The following BBS4 variants were observed in gnomAD, a reference collection of about 807,000 sequenced individuals.
BBS4 encodes Bardet-Biedl syndrome 4.
A neutral mutation model predicts 71.4 loss-of-function variants in BBS4; 58 were observed. The observed-to-expected ratio is 0.81, with a 90% CI of 0.66 to 1.01. The LOEUF (loss-of-function observed/expected upper bound fraction) is 1.01. BBS4 is among the 50% of genes least tolerant of loss of function. The pLI is 0.00. For missense variants in BBS4, 660 were observed against 607.9 expected (o/e 1.09, Z -0.90); for synonymous variants, 228 against 216.8 (o/e 1.05, Z -0.46).
At chr15:72,736,348 TCTC>T (rs1369012902) in intron 14 of BBS4, among the ~76,000 whole-genome samples, 1 of 151,326 alleles carries the variant, frequency 6.6e-6, no homozygotes, top group Non-Finnish European at 1.5e-5. Context: ...TTCAAGCAAT[TCTC>T]CTGCCTCAGC....
chr15:72,705,422 A>C (rs2065245773), intron 2 of BBS4, among the ~76,000 whole-genome samples: 1 of 152,160 alleles, frequency 6.6e-6, no homozygotes, highest in South Asian at 2.1e-4. Flanking sequence ...TTGGACAGCT[A>C]CATCTCCAAG....
intron 12 of BBS4, among the ~76,000 whole-genome samples, chr15:72,732,871 G>C (rs2065852156): frequency 6.6e-6 from 1 of 152,184 alleles, no homozygotes; most frequent in South Asian, 2.1e-4. Flanking sequence ...GGCAAGACCG[G>C]GAAAGCAGGT....
intron 1 of BBS4, among the ~76,000 whole-genome samples, chr15:72,692,257 T>C (rs1282070853): frequency 6.6e-6 from 1 of 151,582 alleles, no homozygotes; most frequent in East Asian, 1.9e-4. Context: ...CTGCCACCAG[T>C]CATGGTGGAT....
At chr15:72,697,920 G>A (rs2065104316) in intron 2 of BBS4, 6 of 454,404 alleles carry the variant, frequency 1.3e-5, no homozygotes, top group Middle Eastern at 3.3e-4. Context: ...ACTACTTGGT[G>A]GTTCTGAGAA....
intron 14 of BBS4, among the ~76,000 whole-genome samples, chr15:72,736,512 G>A (rs973626631): frequency 6.6e-6 from 1 of 152,130 alleles, no homozygotes; most frequent in African/African-American, 2.4e-5. Context: ...ACTTGTTGTA[G>A]GAAATGCACT....
At chr15:72,713,545 G>A (rs2065416598) in intron 4 of BBS4, among the ~76,000 whole-genome samples, 1 of 152,034 alleles carries the variant, frequency 6.6e-6, no homozygotes, top group Non-Finnish European at 1.5e-5. Flanking sequence ...TTTAGTAAGT[G>A]GAAGGAGTAC....
intron 6 of BBS4, among the ~76,000 whole-genome samples, chr15:72,722,565 T>A (rs1455765917): frequency 6.6e-6 from 1 of 152,226 alleles, no homozygotes; most frequent in Admixed American, 6.5e-5. Flanking sequence ...TCCAGGAAGA[T>A]CACCTGTTTA....
chr15:72,712,303 C>T lies in BBS4; in HGVS notation c.216C>T (p.Val72=), dbSNP rs1476981493. The change falls in exon 4 of 16, where the codon GTC becomes GTT. Residue 72 remains valine, a synonymous_variant. Coordinates refer to ENST00000268057, the MANE Select transcript of BBS4 (RefSeq NM_033028.5). ...GATTGTGTGAATATGCTATCTATGT[C>T]CAAGGTAAGACACATACTTCTTGTC... is the stretch of plus-strand genomic sequence containing the variant. ...TQGLCEYAIY[V]QALIFRLEGN... The T allele has an allele frequency of 1.9e-6, 3 of 1,613,194 alleles. No homozygotes were observed. The South Asian group carries it at 3.3e-5, about 18-fold the overall frequency.
chr15:72,726,860 G>A (rs1461233558), intron 8 of BBS4, among the ~76,000 whole-genome samples: 2 of 152,232 alleles, frequency 1.3e-5, no homozygotes, highest in African/African-American at 4.8e-5. Context: ...CATTCTTCCA[G>A]TAACTGATCA....
chr15:72,701,594 T>C (rs2065169999), intron 2 of BBS4, among the ~76,000 whole-genome samples: 1 of 151,414 alleles, frequency 6.6e-6, no homozygotes, highest in Admixed American at 6.6e-5. Context: ...CACACACACT[T>C]GCTCATATGC....
At chr15:72,695,947 A>G (rs1220797169) in intron 2 of BBS4, among the ~76,000 whole-genome samples, 1 of 152,228 alleles carries the variant, frequency 6.6e-6, no homozygotes, top group African/African-American at 2.4e-5. Context: ...AATAATGTGT[A>G]TTCTGCTCTT....
chr15:72,708,698 G>A (rs905522571), intron 2 of BBS4, among the ~76,000 whole-genome samples: 3 of 152,076 alleles, frequency 2.0e-5, no homozygotes, highest in East Asian at 1.9e-4. Context: ...GGAAGATATC[G>A]CTAAATTCTT....
intron 1 of BBS4, chr15:72,686,604 C>A: frequency 7.5e-7 from 1 of 1,335,994 alleles, no homozygotes. Flanking sequence ...CTGTTAATCC[C>A]GTGAATTGGG....
Position 72,728,000 on chromosome 15 carries a change from G to T in BBS4, c.642+6G>T, listed in dbSNP as rs778083765. 5 of 1,607,056 alleles carry T rather than the reference G, an allele frequency of 3.1e-6. No individual in the cohort carries two copies. The South Asian group carries it at 5.5e-5, about 18-fold the overall frequency. ...TAGGATTACTCTACTTACAGGTAAT[G>T]AAAACTCTGTACTCATTCATGCACT... On this transcript the variant is annotated splice_donor_region_variant and intron_variant, in intron 9 of 15. Coordinates refer to ENST00000268057, the MANE Select transcript of BBS4 (RefSeq NM_033028.5).
chr15:72,707,721 T>C (rs1427063916), intron 2 of BBS4, among the ~76,000 whole-genome samples: 1 of 152,188 alleles, frequency 6.6e-6, no homozygotes, highest in Non-Finnish European at 1.5e-5. Flanking sequence ...ATTTGGATCT[T>C]TCTACTCCTT....
chr15:72,730,490 G>A (rs377517918), intron 10 of BBS4, among the ~76,000 whole-genome samples: 1 of 151,932 alleles, frequency 6.6e-6, no homozygotes, highest in Admixed American at 6.6e-5. Flanking sequence ...CACTCGGAAG[G>A]TGGAAGAGGG....
At position 72,737,868 on chromosome 15, in the gene BBS4, G is replaced by A; in HGVS notation, c.*281G>A. 2.1e-6 allele frequency: 1 copy of A among 480,294 alleles called. No homozygotes were observed. The highest frequency in any genetic ancestry group is 4.1e-6 in the Non-Finnish European group (1 of 244,052). The allele number at this position is 480,294 out of a possible 1,614,324, so 29.8% of individuals were successfully genotyped here. ...CTTGAGGCCTTATGTATGTAGCTGA[G>A]TCAGCAAGGTACATGATGCTGTCTG... On this transcript the variant is annotated 3_prime_UTR_variant, in exon 16 of 16. Transcript: ENST00000268057.
chr15:72,712,160 C>G lies in BBS4; in HGVS notation c.157-84C>G, dbSNP rs538731608. 145 of 1,282,908 alleles carry G rather than the reference C, an allele frequency of 1.1e-4. 2 individuals are homozygous for G. The South Asian group carries it at 1.7e-3, about 15-fold the overall frequency. 79.5% of individuals were successfully genotyped at this position (1,282,908 alleles called of 1,614,324 possible). The stretch of plus-strand genomic sequence containing the variant: ...GGGATTACAAGCATGAGCCACCGCA[C>G]CTGGCCTGTCCATGTCCACTTTTTC... On this transcript the variant is annotated intron_variant, in intron 3 of 15. Transcript: ENST00000268057.
chr15:72,722,509 A>G (rs191264218), intron 6 of BBS4, among the ~76,000 whole-genome samples: 2 of 152,332 alleles, frequency 1.3e-5, no homozygotes, highest in East Asian at 3.9e-4. Flanking sequence ...TTAAAGAAAA[A>G]AGGTATGGGG....
Sources: allele counts gnomAD v4.1 joint callset (sites outside exome capture counted in the v4.1 genomes callset), GRCh38; gene constraint gnomAD v4.1.1; transcripts MANE v1.5; gene names NCBI Gene and HGNC (gene_info 2026-07-23, HGNC 2026-07-21).